ANKS1B: variants seen among roughly 807,000 people sequenced by gnomAD.
The protein encoded by ANKS1B is ankyrin repeat and sterile alpha motif domain-containing protein 1B.
Under a neutral mutation model 148.3 loss-of-function variants are expected in ANKS1B, and 36 were observed. That is an observed-to-expected ratio of 0.24 (90% CI 0.19 to 0.32). ANKS1B has a LOEUF of 0.32. Ranked by LOEUF, ANKS1B falls within the 10% of genes least tolerant of loss-of-function variation. ANKS1B has a pLI of 1.00. For missense variants in ANKS1B, 1,157 were observed against 1,542.6 expected (o/e 0.75, Z 4.19); for synonymous variants, 542 against 560.8 (o/e 0.97, Z 0.47).
Position 99,327,143 on chromosome 12 carries a change from A to AATAATAT in ANKS1B, c.1756+72481_1756+72487dup, listed in dbSNP as rs1341602831. On this transcript the variant is annotated intron_variant, in intron 12 of 26. Coordinates refer to ENST00000683438, the MANE Select transcript of ANKS1B (RefSeq NM_001352186.2). ...TAATATAATTAATATATTAATATAC[A>AATAATAT]ATAATATATAATATATAATATATAA... Among the ~76,000 whole-genome samples the AATAATAT allele has an allele frequency of 5.5e-4, 67 of 121,586 alleles. No homozygotes were observed. In the South Asian group the frequency reaches 0.013, roughly 24 times the overall value. 79.8% of individuals were successfully genotyped at this position (121,586 alleles called of 152,430 possible). A position where few individuals can be genotyped will look rare whatever the true frequency, so the allele number is the denominator to read the frequency against.
intron 17 of ANKS1B, among the ~76,000 whole-genome samples, chr12:99,034,203 C>A (rs549735685): frequency 1.6e-4 from 25 of 152,306 alleles, no homozygotes; most frequent in African/African-American, 5.8e-4. Context: ...TGGAGAAGAA[C>A]CATGTTTGTC....
intron 9 of ANKS1B, among the ~76,000 whole-genome samples, chr12:99,585,416 T>C (rs1005930799): frequency 6.6e-6 from 1 of 152,216 alleles, no homozygotes; most frequent in Non-Finnish European, 1.5e-5. Context: ...CCCTCCCGGC[T>C]ACTTTCACAG....
chr12:98,975,522 C>G (rs1179722299), intron 17 of ANKS1B, among the ~76,000 whole-genome samples: 1 of 152,090 alleles, frequency 6.6e-6, no homozygotes, highest in Non-Finnish European at 1.5e-5. Flanking sequence ...GAAATAAAGT[C>G]TCTACCCTCA....
At chr12:99,144,955 C>T (rs1438223534) in intron 15 of ANKS1B, among the ~76,000 whole-genome samples, 1 of 152,052 alleles carries the variant, frequency 6.6e-6, no homozygotes, top group African/African-American at 2.4e-5. Context: ...GTTTCAGCCA[C>T]CTAGTTTGTG....
intron 13 of ANKS1B, among the ~76,000 whole-genome samples, chr12:99,245,595 C>G (rs1458922238): frequency 6.6e-6 from 1 of 152,180 alleles, no homozygotes; most frequent in African/African-American, 2.4e-5. Flanking sequence ...TCTCCAAATA[C>G]TATAATGATC....
intron 8 of ANKS1B, among the ~76,000 whole-genome samples, chr12:99,683,148 T>C (rs1174169852): frequency 6.6e-6 from 1 of 152,108 alleles, no homozygotes; most frequent in Non-Finnish European, 1.5e-5. Context: ...AATTATCACC[T>C]ACTGGGTCCC....
chr12:98,997,463 G>A (rs946448475), intron 17 of ANKS1B, among the ~76,000 whole-genome samples: 19 of 149,010 alleles, frequency 1.3e-4, no homozygotes, highest in African/African-American at 4.0e-4. Context: ...GTGCAGTGGC[G>A]TGATCTTGGC....
rs75801215 is a variant in ANKS1B, at chr12:99,559,057, G to A, written c.1273-54416C>T. On this transcript the variant is annotated intron_variant, in intron 9 of 26. Transcript: ENST00000683438. ...GACCAGTAATGAATCTTGGTGCTCC[G>A]AAACCCTGCGCACCGTTCCCAGCTT... is the stretch of plus-strand genomic sequence containing the variant. 4.6e-3 allele frequency among the ~76,000 whole-genome samples: 702 copies of A among 152,194 alleles called. 32 individuals are homozygous for A. The South Asian group carries it at 0.064, about 14-fold the overall frequency.
chr12:98,851,109 C>A (rs957593635), intron 17 of ANKS1B, among the ~76,000 whole-genome samples: 3 of 152,136 alleles, frequency 2.0e-5, no homozygotes, highest in African/African-American at 4.8e-5. Context: ...CAATGCAGCC[C>A]ACAGTAGTAC....
Position 99,504,521 on chromosome 12 carries a change from T to C in ANKS1B, c.1393A>G (p.Lys465Glu). 1.9e-6 allele frequency: 3 copies of C among 1,612,742 alleles called. No individual in the cohort carries two copies. Among genetic ancestry groups the C allele is most frequent in the Non-Finnish European group, 2.5e-6 (3 of 1,179,482 alleles). ...CTTGCAATTTCTAAGGAGCAAGGTT[T>C]CTTTGTAACAGCTGTGTCCATGAGA... ...CDLMDTAVTK[K>E]PCSLEIARAP... The change falls in exon 10 of 27, where the codon AAA becomes GAA. Residue 465 changes from lysine to glutamate, a missense_variant. By Grantham distance (56) the Lys-to-Glu change is moderately conservative. Transcript: ENST00000683438.
At chr12:99,900,010 T>C (rs2093535946) in intron 1 of ANKS1B, among the ~76,000 whole-genome samples, 1 of 151,894 alleles carries the variant, frequency 6.6e-6, no homozygotes, top group Non-Finnish European at 1.5e-5. Context: ...GCGATTCTCC[T>C]GCCTCAGCCT....
chr12:99,052,684 C>T (rs1179690271), intron 17 of ANKS1B, among the ~76,000 whole-genome samples: 10 of 119,308 alleles, frequency 8.4e-5, no homozygotes, highest in East Asian at 3.6e-4. Context: ...GCCGAGATTG[C>T]GCCACTGCAG....
At chr12:98,895,076 C>G (rs1596461338) in intron 17 of ANKS1B, 1 of 968,412 alleles carries the variant, frequency 1.0e-6, no homozygotes. Flanking sequence ...GGCTGCTGCC[C>G]GGGGTGGGCG....
intron 9 of ANKS1B, among the ~76,000 whole-genome samples, chr12:99,541,101 C>G (rs1205939383): frequency 6.6e-6 from 1 of 152,098 alleles, no homozygotes; most frequent in Non-Finnish European, 1.5e-5. Context: ...AGACCTATAA[C>G]AAGTAAGAGA....
At chr12:99,940,274 C>A (rs923532994) in intron 1 of ANKS1B, among the ~76,000 whole-genome samples, 2 of 151,914 alleles carry the variant, frequency 1.3e-5, no homozygotes, top group Non-Finnish European at 2.9e-5. Flanking sequence ...ATGGCTGACA[C>A]CACAATGTCC....
chr12:98,832,256 G>A, intron 17 of ANKS1B, 120 bp from the exon 18 acceptor site: 1 of 758,920 alleles, frequency 1.3e-6, no homozygotes, highest in East Asian at 2.8e-5. Context: ...ATGAGATGTG[G>A]TGTCACTTCA....
At chr12:99,516,805 TA>T (rs2096825992) in intron 9 of ANKS1B, among the ~76,000 whole-genome samples, 2 of 152,132 alleles carry the variant, frequency 1.3e-5, no homozygotes, top group Admixed American at 1.3e-4. Flanking sequence ...GGCACCTTTG[TA>T]AAAAATGAGT....
At chr12:99,461,039 T>C (rs552930295) in intron 10 of ANKS1B, among the ~76,000 whole-genome samples, 3 of 149,628 alleles carry the variant, frequency 2.0e-5, no homozygotes, top group South Asian at 4.2e-4. Context: ...ATGTGGTGGA[T>C]ATATACATGT....
intron 16 of ANKS1B, among the ~76,000 whole-genome samples, chr12:99,070,951 C>T (rs1458285615): frequency 2.0e-5 from 3 of 152,204 alleles, no homozygotes; most frequent in Non-Finnish European, 4.4e-5. Flanking sequence ...AGGCATAAGC[C>T]AACACGCCCA....
Sources: gnomAD v4.1 joint callset for allele counts (sites outside exome capture counted in the v4.1 genomes callset) on GRCh38, gnomAD v4.1.1 for gene constraint, MANE v1.5 for transcripts, NCBI Gene and HGNC (gene_info 2026-07-23, HGNC 2026-07-21) for gene names.